Variants in NSMCE2 observed in about 807,000 individuals in gnomAD.
NSMCE2 encodes the protein E3 SUMO-protein ligase NSE2.
A neutral mutation model predicts 23.8 loss-of-function variants in NSMCE2; 24 were observed. The ratio of observed to expected loss-of-function variants is 1.01; its 90% CI spans 0.73 to 1.42. The LOEUF (loss-of-function observed/expected upper bound fraction) is 1.42, where lower values mean the gene tolerates loss of function less well. Among genes scored for constraint, NSMCE2 ranks in the 40% most tolerant of loss-of-function variants. The pLI is 0.00. For missense variants in NSMCE2, 284 were observed against 296.5 expected, an observed-to-expected ratio of 0.96 and a Z score of 0.31; for synonymous variants, 92 against 94.1, an observed-to-expected ratio of 0.98 and a Z score of 0.13.
At chr8:125,181,857 A>T (rs542897006) in intron 4 of NSMCE2, among the ~76,000 whole-genome samples, 1 of 152,360 alleles carries the variant, frequency 6.6e-6, no homozygotes, top group East Asian at 1.9e-4. Context: ...TAGTAGGATC[A>T]TTGAAGGGCC....
chr8:125,106,993 C>A (rs1324390396), intron 3 of NSMCE2, among the ~76,000 whole-genome samples: 19 of 150,058 alleles, frequency 1.3e-4, no homozygotes, highest in African/African-American at 4.7e-4. Flanking sequence ...AAAATTCTGT[C>A]TCAAAAAAAA....
At chr8:125,196,218 T>A (rs560983048) in intron 5 of NSMCE2, among the ~76,000 whole-genome samples, 15 of 151,270 alleles carry the variant, frequency 9.9e-5, no homozygotes, top group African/African-American at 3.4e-4. Flanking sequence ...TTTTTTTTTT[T>A]ATACTTTAAG....
At chr8:125,108,397 A>G (rs935754004) in intron 3 of NSMCE2, among the ~76,000 whole-genome samples, 48 of 152,218 alleles carry the variant, frequency 3.2e-4, no homozygotes, top group Non-Finnish European at 5.9e-4. Context: ...AGTAGATGAA[A>G]GACTTGTAGA....
intron 5 of NSMCE2, among the ~76,000 whole-genome samples, chr8:125,328,773 GT>G (rs911927375): frequency 6.7e-6 from 1 of 150,206 alleles, no homozygotes; most frequent in Non-Finnish European, 1.5e-5. Context: ...TCCACTTTCT[GT>G]TTTTTTTTCT....
chr8:125,251,393 C>T (rs368114935), intron 5 of NSMCE2, among the ~76,000 whole-genome samples: 6 of 152,076 alleles, frequency 3.9e-5, no homozygotes, highest in Non-Finnish European at 7.4e-5. Context: ...AATTATATCA[C>T]GGGTCTTAAT....
At chr8:125,130,412 G>A (rs1819714687) in intron 3 of NSMCE2, 1 of 362,284 alleles carries the variant, frequency 2.8e-6, no homozygotes, top group Non-Finnish European at 5.6e-6. Flanking sequence ...GTAGCTCGCT[G>A]TATCCACACT....
intron 3 of NSMCE2, among the ~76,000 whole-genome samples, chr8:125,134,320 T>A (rs1410749671): frequency 6.6e-6 from 1 of 152,196 alleles, no homozygotes; most frequent in Non-Finnish European, 1.5e-5. Context: ...TTTTTAGTAA[T>A]AGAGTTACTA....
intron 3 of NSMCE2, among the ~76,000 whole-genome samples, chr8:125,134,480 A>G (rs1323404136): frequency 6.6e-6 from 1 of 152,176 alleles, no homozygotes; most frequent in East Asian, 1.9e-4. Context: ...ATGCAATGGT[A>G]TCTTATAGTG....
intron 5 of NSMCE2, among the ~76,000 whole-genome samples, chr8:125,218,443 G>A (rs980733114): frequency 2.1e-5 from 3 of 143,110 alleles, no homozygotes; most frequent in African/African-American, 7.9e-5. Context: ...ACAGAGTCTT[G>A]CTCTGTCGCT....
chr8:125,190,325 C>T (rs1036677636), intron 5 of NSMCE2, among the ~76,000 whole-genome samples: 1 of 152,136 alleles, frequency 6.6e-6, no homozygotes, highest in African/African-American at 2.4e-5. Context: ...AGGTTATCCC[C>T]ATCTTCATGG....
In NSMCE2 at chr8:125,155,485, G is replaced by A. The variant is rs187724574; in HGVS notation, c.264+4208G>A. Among the ~76,000 whole-genome samples, 9 of 152,254 alleles carry A rather than the reference G, an allele frequency of 5.9e-5. No homozygotes were observed. In the East Asian group the frequency reaches 1.5e-3, roughly 26 times the overall value. On this transcript the variant is annotated intron_variant, in intron 4 of 7. Transcript: ENST00000287437. The stretch of plus-strand genomic sequence containing the variant: ...AGAATAGTTGAGTAACCTAAGATTG[G>A]TCAGTGATTCATTTAGTAATAGATT...
intron 3 of NSMCE2, among the ~76,000 whole-genome samples, chr8:125,137,756 C>G (rs1490241528): frequency 2.0e-5 from 3 of 152,148 alleles, no homozygotes; most frequent in Admixed American, 2.0e-4. Context: ...TGATTTAAGT[C>G]CTGCTTCTGC....
chr8:125,286,713 C>T (rs536456499), intron 5 of NSMCE2, among the ~76,000 whole-genome samples: 26 of 151,458 alleles, frequency 1.7e-4, no homozygotes, highest in African/African-American at 6.3e-4. Flanking sequence ...CTTAAGCTTC[C>T]CTAAGCCTTG....
At chr8:125,094,863 T>G (rs1015817550) in intron 1 of NSMCE2, among the ~76,000 whole-genome samples, 1 of 152,188 alleles carries the variant, frequency 6.6e-6, no homozygotes, top group Non-Finnish European at 1.5e-5. Context: ...CTTTTCTCTT[T>G]TTTTTGAGAA....
At chr8:125,143,722 C>T (rs1160636407) in intron 3 of NSMCE2, among the ~76,000 whole-genome samples, 1 of 152,174 alleles carries the variant, frequency 6.6e-6, no homozygotes, top group Non-Finnish European at 1.5e-5. Flanking sequence ...TTTCAGGAAA[C>T]AGCTTGGCCG....
At chr8:125,286,719 C>G (rs1827919533) in intron 5 of NSMCE2, among the ~76,000 whole-genome samples, 2 of 150,970 alleles carry the variant, frequency 1.3e-5, no homozygotes, top group Non-Finnish European at 2.9e-5. Flanking sequence ...CTTCCCTAAG[C>G]CTTGTTTATA....
At position 125,360,532 on chromosome 8, in the gene NSMCE2, C is replaced by T. The variant is rs528476226; in HGVS notation, c.626+2714C>T. Among the ~76,000 whole-genome samples, 8 of 151,904 alleles carry T rather than the reference C, an allele frequency of 5.3e-5. No homozygotes were observed. In the South Asian group the frequency reaches 6.2e-4, roughly 12 times the overall value. On this transcript the variant is annotated intron_variant, in intron 7 of 7. Transcript: ENST00000287437. The stretch of plus-strand genomic sequence containing the variant: ...GTTGACCAATGAGAGGATCAATCAG[C>T]GGAAGAAGACCCCTAAAAAAGCAGT...
intron 4 of NSMCE2, among the ~76,000 whole-genome samples, chr8:125,159,250 A>G (rs1206941840): frequency 1.3e-5 from 2 of 152,228 alleles, no homozygotes; most frequent in Non-Finnish European, 2.9e-5. Flanking sequence ...ATTAAACGTT[A>G]TTGTAGGTAT....
rs553137488 is a variant in NSMCE2, at chr8:125,347,744, T to C, written c.419-9475T>C. ...ATTATGAGATTTCAATGAAAGGAGA[T>C]TGGCTATGGAGATTGTGTTGGGTGG... On this transcript the variant is annotated intron_variant, in intron 5 of 7. Coordinates refer to ENST00000287437, the MANE Select transcript of NSMCE2 (RefSeq NM_173685.4). Among the ~76,000 whole-genome samples the C allele has an allele frequency of 3.9e-5, 6 of 152,228 alleles. No individual in the cohort carries two copies. In the South Asian group the frequency reaches 1.2e-3, roughly 32 times the overall value.
Sources: allele counts gnomAD v4.1 joint callset (sites outside exome capture counted in the v4.1 genomes callset), GRCh38; gene constraint gnomAD v4.1.1; transcripts MANE v1.5; gene names NCBI Gene and HGNC (gene_info 2026-07-23, HGNC 2026-07-21).